The following PHACTR1 variants were observed in gnomAD, a reference collection of about 807,000 sequenced individuals.
PHACTR1 encodes RPEL repeat containing 1.
A neutral mutation model predicts 69.2 loss-of-function variants in PHACTR1; 16 were observed. That is an observed-to-expected ratio of 0.23 (90% CI 0.16 to 0.35). The LOEUF is 0.35. PHACTR1 is among the 10% of genes least tolerant of loss of function. The pLI is 1.00. For synonymous variants in PHACTR1, 312 were observed against 284.5 expected (o/e 1.10, Z -0.97); for missense variants, 510 against 734.7 (o/e 0.69, Z 3.54).
intron 4 of PHACTR1, among the ~76,000 whole-genome samples, chr6:12,802,854 A>G (rs1269825387): frequency 6.6e-6 from 1 of 152,212 alleles, no homozygotes; most frequent in African/African-American, 2.4e-5. Context: ...ATTCCGAGAG[A>G]AGACGTTTTA....
chr6:12,887,821 C>T (rs1041875045), intron 4 of PHACTR1, among the ~76,000 whole-genome samples: 2 of 151,982 alleles, frequency 1.3e-5, no homozygotes, highest in African/African-American at 2.4e-5. Flanking sequence ...GTAATCCCAG[C>T]ACTTTGGGAG....
chr6:12,819,899 A>C (rs752467295), intron 4 of PHACTR1, among the ~76,000 whole-genome samples: 2 of 152,184 alleles, frequency 1.3e-5, no homozygotes, highest in African/African-American at 2.4e-5. Flanking sequence ...TTATCAAGGT[A>C]CCAGAACTTA....
chr6:12,747,533 G>T (rs1412707055), intron 3 of PHACTR1, among the ~76,000 whole-genome samples: 1 of 152,036 alleles, frequency 6.6e-6, no homozygotes, highest in African/African-American at 2.4e-5. Context: ...GGGCATGGTG[G>T]TGCATGCCTG....
At chr6:13,165,456 C>T (rs925784342) in intron 6 of PHACTR1, among the ~76,000 whole-genome samples, 1 of 152,174 alleles carries the variant, frequency 6.6e-6, no homozygotes, top group Non-Finnish European at 1.5e-5. Context: ...GTGCTCCCTC[C>T]GTGCCAAGGA....
chr6:12,916,344 C>T (rs1158312800), intron 4 of PHACTR1, among the ~76,000 whole-genome samples: 1 of 152,200 alleles, frequency 6.6e-6, no homozygotes, highest in Non-Finnish European at 1.5e-5. Flanking sequence ...GAATACCCTT[C>T]CTTGCTTTTC....
At chr6:13,124,110 T>C (rs1387207341) in intron 5 of PHACTR1, among the ~76,000 whole-genome samples, 8 of 151,972 alleles carry the variant, frequency 5.3e-5, no homozygotes, top group Non-Finnish European at 1.0e-4. Flanking sequence ...GATGTGGGAG[T>C]ATGAACTGCA....
chr6:12,751,976 T>G (rs542243873), intron 4 of PHACTR1, among the ~76,000 whole-genome samples: 35 of 152,326 alleles, frequency 2.3e-4, no homozygotes, highest in African/African-American at 6.5e-4. Context: ...TTCCCTCCTG[T>G]GATGGAATCC....
At chr6:12,830,650 C>T (rs1433706035) in intron 4 of PHACTR1, among the ~76,000 whole-genome samples, 5 of 151,980 alleles carry the variant, frequency 3.3e-5, no homozygotes, top group Admixed American at 6.5e-5. Flanking sequence ...AGTGCAGTGG[C>T]GCGATCTCGG....
chr6:13,019,949 A>G (rs962184059), intron 4 of PHACTR1, among the ~76,000 whole-genome samples: 5 of 152,190 alleles, frequency 3.3e-5, no homozygotes, highest in Non-Finnish European at 7.4e-5. Context: ...TGAGCCAGTT[A>G]GGAGCCACCA....
At chr6:12,802,270 T>C (rs13203774) in intron 4 of PHACTR1, among the ~76,000 whole-genome samples, 56,175 of 151,242 alleles carry the variant, frequency 0.37, 11,222 homozygotes, top group African/African-American at 0.5. Context: ...AATAACTTAT[T>C]GAATAAAACA....
At chr6:13,280,879 G>T in intron 12 of PHACTR1, 1 of 1,092,030 alleles carries the variant, frequency 9.2e-7, no homozygotes, top group Non-Finnish European at 1.2e-6. Flanking sequence ...GCCAGCACCA[G>T]GCCAAAGGTG....
At chr6:13,145,928 T>C (rs1823279796) in intron 5 of PHACTR1, among the ~76,000 whole-genome samples, 1 of 152,244 alleles carries the variant, frequency 6.6e-6, no homozygotes. Context: ...CAAAATATTG[T>C]ATCTTTAGTT....
At chr6:12,724,523 A>G (rs975530463) in intron 3 of PHACTR1, among the ~76,000 whole-genome samples, 1 of 152,212 alleles carries the variant, frequency 6.6e-6, no homozygotes, top group Non-Finnish European at 1.5e-5. Flanking sequence ...ACAACAGCAG[A>G]GTCAGAGTTT....
intron 4 of PHACTR1, among the ~76,000 whole-genome samples, chr6:12,998,568 A>G (rs1046072328): frequency 6.6e-6 from 1 of 150,454 alleles, no homozygotes; most frequent in Non-Finnish European, 1.5e-5. Context: ...ATGAGCTATG[A>G]TATTGCCACT....
At chr6:13,087,165 C>G (rs1812455874) in intron 5 of PHACTR1, among the ~76,000 whole-genome samples, 1 of 146,014 alleles carries the variant, frequency 6.8e-6, no homozygotes, top group Non-Finnish European at 1.5e-5. Context: ...TTATATATAA[C>G]ATATGTATAA....
At chr6:13,154,445 A>G (rs1757883568) in intron 5 of PHACTR1, among the ~76,000 whole-genome samples, 2 of 152,202 alleles carry the variant, frequency 1.3e-5, no homozygotes, top group African/African-American at 4.8e-5. Context: ...AGCTTGAGCC[A>G]TCGTGCCCAG....
chr6:12,957,729 G>T, intron 4 of PHACTR1: 1 of 985,594 alleles, frequency 1.0e-6, no homozygotes, highest in Non-Finnish European at 1.2e-6. Flanking sequence ...CTTCATGCCA[G>T]ATGGGTGGCC....
intron 4 of PHACTR1, among the ~76,000 whole-genome samples, chr6:13,038,507 A>G (rs1243089273): frequency 3.3e-5 from 5 of 149,900 alleles, no homozygotes; most frequent in Non-Finnish European, 5.9e-5. Context: ...AAAAAAAAAA[A>G]GGAAGGACTT....
intron 5 of PHACTR1, among the ~76,000 whole-genome samples, chr6:13,054,621 TA>T (rs1806503827): frequency 6.6e-6 from 1 of 152,170 alleles, no homozygotes; most frequent in Non-Finnish European, 1.5e-5. Flanking sequence ...AGCATGTACG[TA>T]AGCGAGTGTG....
Sources: gnomAD v4.1 joint callset for allele counts (sites outside exome capture counted in the v4.1 genomes callset) on GRCh38, gnomAD v4.1.1 for gene constraint, MANE v1.5 for transcripts, NCBI Gene and HGNC (gene_info 2026-07-23, HGNC 2026-07-21) for gene names.